The following MIS18BP1 variants were observed in gnomAD, a reference collection of about 807,000 sequenced individuals.
MIS18BP1 encodes the protein mis18-binding protein 1.
Under a neutral mutation model 116.1 loss-of-function variants are expected in MIS18BP1, and 72 were observed. The observed-to-expected ratio is 0.62, with a 90% CI of 0.51 to 0.75. The LOEUF (loss-of-function observed/expected upper bound fraction) is 0.75, where lower values mean the gene tolerates loss of function less well. MIS18BP1 is among the 30% of genes least tolerant of loss of function. The probability of loss-of-function intolerance (pLI) is 0.00; values close to 1 mark genes in which losing one functional copy is unlikely to be tolerated. For missense variants in MIS18BP1, 1,363 were observed against 1,303.2 expected (o/e 1.05, Z -0.71); for synonymous variants, 386 against 427.0 (o/e 0.90, Z 1.18).
chr14:45,250,318 A>G (rs931274572), intron 1 of MIS18BP1, among the ~76,000 whole-genome samples: 3 of 152,232 alleles, frequency 2.0e-5, no homozygotes, highest in Non-Finnish European at 1.5e-5. Flanking sequence ...CTCTGACCAC[A>G]GAGGCTCTGC....
At chr14:45,238,892 C>G (rs1371952179) in intron 4 of MIS18BP1, among the ~76,000 whole-genome samples, 1 of 152,166 alleles carries the variant, frequency 6.6e-6, no homozygotes, top group Non-Finnish European at 1.5e-5. Context: ...GATCCACCAT[C>G]TTGTCTTACC....
intron 15 of MIS18BP1, among the ~76,000 whole-genome samples, chr14:45,204,702 A>G (rs1377895890): frequency 1.3e-5 from 2 of 152,088 alleles, no homozygotes; most frequent in African/African-American, 4.8e-5. Context: ...TTATAAACTA[A>G]TGCTATAGCA....
Position 45,224,763 on chromosome 14 carries a change from C to T in MIS18BP1, c.1841-17G>A, listed in dbSNP as rs1301740136. The T allele has an allele frequency of 6.6e-7, 1 of 1,524,640 alleles. No homozygotes were observed. Among genetic ancestry groups the T allele is most frequent in the Non-Finnish European group, 8.8e-7 (1 of 1,137,956 alleles). The allele number at this position is 1,524,640 out of a possible 1,614,324, so 94.4% of individuals were successfully genotyped here. ...CAGTTGTCTCTTTAATTTCATAAGA[C>T]AAAACCAAAGACCAAAATCTCAAAT... is the stretch of plus-strand genomic sequence containing the variant. On this transcript the variant is annotated splice_polypyrimidine_tract_variant and intron_variant, in intron 10 of 16. Transcript: ENST00000310806.
intron 9 of MIS18BP1, 90 bp downstream of exon 9, chr14:45,227,570 ACTC>A: frequency 9.4e-7 from 1 of 1,067,840 alleles, no homozygotes; most frequent in Non-Finnish European, 1.3e-6. Flanking sequence ...AAAAAACAGA[ACTC>A]ACGTCCCTGA....
At chr14:45,210,321 TA>T in intron 14 of MIS18BP1, 58 bp downstream of exon 14, 2 of 1,538,796 alleles carry the variant, frequency 1.3e-6, no homozygotes, top group Non-Finnish European at 1.8e-6. Context: ...ATGAAATGTT[TA>T]AATGTTCCTC....
chr14:45,240,970 G>A (rs1891560112), intron 4 of MIS18BP1, among the ~76,000 whole-genome samples: 1 of 152,094 alleles, frequency 6.6e-6, no homozygotes, highest in Non-Finnish European at 1.5e-5. Context: ...GGGATTTCTA[G>A]CGAATATATT....
chr14:45,244,160 A>G (rs1191955495), intron 2 of MIS18BP1, among the ~76,000 whole-genome samples: 2 of 152,168 alleles, frequency 1.3e-5, no homozygotes, highest in East Asian at 3.8e-4. Flanking sequence ...TCTAACAGAT[A>G]CCTATATTCA....
In MIS18BP1 at chr14:45,242,014, T is replaced by C; in HGVS notation, c.1143+20A>G. On this transcript the variant is annotated intron_variant, in intron 4 of 16. Transcript: ENST00000310806. Reference sequence around the variant, plus strand: ...CGGGGTAAAAATAGAAATAAATATCTGTCTTAAAAGTTTTCCCACCTGATT... The same window carrying C: ...CGGGGTAAAAATAGAAATAAATATCCGTCTTAAAAGTTTTCCCACCTGATT... 1 of 1,565,638 alleles carries C rather than the reference T, an allele frequency of 6.4e-7. No individual in the cohort carries two copies. The highest frequency in any genetic ancestry group is 8.6e-7 in the Non-Finnish European group (1 of 1,159,358).
rs368386081 is a variant in MIS18BP1 at position 45,242,408 on chromosome 14, T to A, written c.769A>T (p.Ile257Leu). 1.2e-5 allele frequency: 20 copies of A among 1,613,952 alleles called. No homozygotes were observed. The African/African-American group carries it at 2.5e-4, about 20-fold the overall frequency. ...TTTTTGGATTTAGTGGTTGCAACTA[T>A]ACTCTCCTTTGAGTGAAAAATTTGT... is the stretch of plus-strand genomic sequence containing the variant. ...AKQIFHSKES[I>L]VATTKSKKDT... The change falls in exon 4 of 17, where the codon ATA becomes TTA. Residue 257 changes from isoleucine to leucine, a missense_variant. By Grantham distance (5) the Ile-to-Leu change is conservative. Coordinates refer to ENST00000310806, the MANE Select transcript of MIS18BP1 (RefSeq NM_018353.5).
At chr14:45,241,601 A>G (rs967294729) in intron 4 of MIS18BP1, 4 of 155,286 alleles carry the variant, frequency 2.6e-5, no homozygotes, top group African/African-American at 9.6e-5. Context: ...TTAATGCTCT[A>G]AAGTCTTTCA....
intron 1 of MIS18BP1, among the ~76,000 whole-genome samples, chr14:45,251,036 CAAAAA>C (rs1230380755): frequency 1.7e-5 from 1 of 59,250 alleles, no homozygotes; most frequent in Non-Finnish European, 3.7e-5. Flanking sequence ...GACTCTGCCT[CAAAAA>C]AAAAAAAAAA....
Position 45,237,650 on chromosome 14 carries a change from C to G in MIS18BP1, c.1215G>C (p.Leu405Phe), listed in dbSNP as rs758477784. ...NNTAICVEGK[L>F]IDVTNIYWHS... is the part of the protein sequence containing the mutation. Reference sequence around the variant, plus strand: ...GAATAATGAAATAGTATACTTACATCAATTTTCCTTCTACACATATAGCAG... The same window carrying G: ...GAATAATGAAATAGTATACTTACATGAATTTTCCTTCTACACATATAGCAG... Residue 405 changes from leucine (L) to phenylalanine (F), a missense_variant and splice_region_variant, in exon 5 of 17, where the codon TTG becomes TTC. By Grantham distance (22) the Leu-to-Phe change is conservative. Coordinates refer to ENST00000310806, the MANE Select transcript of MIS18BP1 (RefSeq NM_018353.5). The G allele has an allele frequency of 3.8e-6, 6 of 1,593,184 alleles. No homozygotes were observed. The highest frequency in any genetic ancestry group is 4.3e-6 in the Non-Finnish European group (5 of 1,173,414).
chr14:45,214,934 A>G (rs1028647301), intron 13 of MIS18BP1, among the ~76,000 whole-genome samples: 1 of 152,042 alleles, frequency 6.6e-6, no homozygotes, highest in African/African-American at 2.4e-5. Flanking sequence ...TATTTTTAGT[A>G]GAGACGGGGT....
At chr14:45,250,695 T>C (rs1891845035) in intron 1 of MIS18BP1, among the ~76,000 whole-genome samples, 1 of 152,166 alleles carries the variant, frequency 6.6e-6, no homozygotes, top group African/African-American at 2.4e-5. Context: ...GTTTTCAACA[T>C]AAAGACATGG....
intron 16 of MIS18BP1, 84 bp downstream of exon 16, chr14:45,204,315 G>A: frequency 6.5e-7 from 1 of 1,536,936 alleles, no homozygotes; most frequent in Non-Finnish European, 8.8e-7. Flanking sequence ...GTCCACTTGA[G>A]AGCAATTAAT....
At chr14:45,251,926 T>G (rs1026435769) in intron 1 of MIS18BP1, among the ~76,000 whole-genome samples, 1 of 152,238 alleles carries the variant, frequency 6.6e-6, no homozygotes, top group Non-Finnish European at 1.5e-5. Context: ...TTTTTTCCTA[T>G]AGAAACATCT....
In MIS18BP1 at chr14:45,248,358, C is replaced by T. The variant is rs191642293; in HGVS notation, c.-91-981G>A. ...CTGGGGTTACAGGTGTGAGCCACCG[C>T]GCCCGGCCACAACTTGTTTCTTATG... On this transcript the variant is annotated intron_variant, in intron 1 of 16. Coordinates refer to ENST00000310806, the MANE Select transcript of MIS18BP1 (RefSeq NM_018353.5). Among the ~76,000 whole-genome samples the T allele has an allele frequency of 5.3e-5, 8 of 152,070 alleles. No individual in the cohort carries two copies. In the South Asian group the frequency reaches 8.3e-4, roughly 16 times the overall value.
intron 14 of MIS18BP1, 49 bp from the exon 15 acceptor site, chr14:45,206,219 C>T (rs1193671095): frequency 7.8e-7 from 1 of 1,289,292 alleles, no homozygotes; most frequent in African/African-American, 1.5e-5. Context: ...TTAAGTCAAC[C>T]TAATAATTTT....
Position 45,245,348 on chromosome 14 carries a change from T to G in MIS18BP1, c.544+1395A>C, listed in dbSNP as rs193138802. ...TTCCTCACAATCTTCTCAGTGGCCT[T>G]TCTACTCTTTTCTTTTTTATTTCTT... is the stretch of plus-strand genomic sequence containing the variant. On this transcript the variant is annotated intron_variant, in intron 2 of 16. Transcript: ENST00000310806. Among the ~76,000 whole-genome samples, 865 of 152,186 alleles carry G rather than the reference T, an allele frequency of 5.7e-3. 8 individuals are homozygous for G. The highest frequency in any genetic ancestry group is 0.02 in the African/African-American group (830 of 41,526).
Sources: allele counts gnomAD v4.1 joint callset (sites outside exome capture counted in the v4.1 genomes callset), GRCh38; gene constraint gnomAD v4.1.1; transcripts MANE v1.5; gene names NCBI Gene and HGNC (gene_info 2026-07-23, HGNC 2026-07-21).